Variants in NRF1 observed in about 807,000 individuals in gnomAD.
NRF1 encodes nuclear respiratory factor 1.
A neutral mutation model predicts 58.5 loss-of-function variants in NRF1; 5 were observed. The ratio of observed to expected loss-of-function variants is 0.09; its 90% confidence interval spans 0.04 to 0.18. NRF1 has a LOEUF of 0.18. Ranked by LOEUF, NRF1 falls within the 10% of genes least tolerant of loss-of-function variation. The pLI is 1.00. For synonymous variants in NRF1, 224 were observed against 246.7 expected (o/e 0.91, Z 0.86); for missense variants, 288 against 657.7 (o/e 0.44, Z 6.15).
chr7:129,696,772 A>G (rs1320225134), intron 5 of NRF1, among the ~76,000 whole-genome samples: 1 of 152,212 alleles, frequency 6.6e-6, no homozygotes, highest in Non-Finnish European at 1.5e-5. Context: ...ATCTAAAGAG[A>G]GTAAATTATA....
intron 4 of NRF1, among the ~76,000 whole-genome samples, chr7:129,682,630 T>TA (rs771494622): frequency 0.016 from 1,388 of 87,850 alleles, 12 homozygotes; most frequent in African/African-American, 0.024. Context: ...CAAAAAAATG[T>TA]AAAAAAAAAA....
intron 9 of NRF1, among the ~76,000 whole-genome samples, chr7:129,724,581 C>T (rs1314825291): frequency 1.3e-5 from 2 of 152,106 alleles, no homozygotes; most frequent in Non-Finnish European, 2.9e-5. Flanking sequence ...ATTTGTATGC[C>T]CATGTTCACA....
intron 1 of NRF1, among the ~76,000 whole-genome samples, chr7:129,617,976 A>T (rs939742336): frequency 1.3e-5 from 2 of 152,222 alleles, no homozygotes; most frequent in East Asian, 1.9e-4. Flanking sequence ...TTCCATGCTC[A>T]TGAGTGTGAA....
intron 7 of NRF1, 40 bp downstream of exon 7, chr7:129,710,611 A>T (rs1803050646): frequency 9.6e-7 from 1 of 1,044,740 alleles, no homozygotes; most frequent in Non-Finnish European, 1.5e-6. Context: ...GGCTTCTGAG[A>T]TGGATCAGTG....
chr7:129,669,038 C>G (rs1349192211), intron 2 of NRF1, among the ~76,000 whole-genome samples: 4 of 152,096 alleles, frequency 2.6e-5, no homozygotes, highest in Non-Finnish European at 4.4e-5. Flanking sequence ...ACCTCCACCT[C>G]CCAGATTCAA....
chr7:129,622,834 T>C (rs1377580125), intron 1 of NRF1, among the ~76,000 whole-genome samples: 1 of 152,162 alleles, frequency 6.6e-6, no homozygotes, highest in East Asian at 1.9e-4. Context: ...CCTCCCAAAG[T>C]GTTGGGATTA....
intron 9 of NRF1, among the ~76,000 whole-genome samples, chr7:129,722,489 G>C (rs569658370): frequency 1.3e-5 from 2 of 152,172 alleles, no homozygotes; most frequent in Admixed American, 1.3e-4. Flanking sequence ...TGATAGCCCT[G>C]CTTACCATAG....
intron 10 of NRF1, among the ~76,000 whole-genome samples, chr7:129,730,158 G>A (rs1423107908): frequency 6.6e-6 from 1 of 152,164 alleles, no homozygotes; most frequent in East Asian, 1.9e-4. Flanking sequence ...CAAGCTTATG[G>A]TATCTGCCAG....
intron 5 of NRF1, among the ~76,000 whole-genome samples, chr7:129,697,388 A>T (rs537311501): frequency 3.9e-4 from 56 of 144,210 alleles, no homozygotes; most frequent in African/African-American, 9.4e-4. Flanking sequence ...CTAAAAATTT[A>T]AAAAAAAAAA....
chr7:129,667,902 G>A (rs4348430), intron 2 of NRF1, among the ~76,000 whole-genome samples: 133,840 of 152,008 alleles, frequency 0.88, 59,006 homozygotes, highest in East Asian at 0.93. Flanking sequence ...CCAAGTAGCT[G>A]GGACCTCAGG....
intron 9 of NRF1, among the ~76,000 whole-genome samples, chr7:129,726,551 A>T (rs997082943): frequency 6.6e-6 from 1 of 152,204 alleles, no homozygotes; most frequent in East Asian, 1.9e-4. Flanking sequence ...TGTTGTAATT[A>T]TAGAGGCAAA....
intron 10 of NRF1, among the ~76,000 whole-genome samples, chr7:129,747,661 C>T (rs1804011475): frequency 6.6e-6 from 1 of 152,190 alleles, no homozygotes. Flanking sequence ...TATGAGGAAA[C>T]AGGCTCACAA....
At chr7:129,638,200 C>T (rs2151065873) in intron 1 of NRF1, among the ~76,000 whole-genome samples, 1 of 152,018 alleles carries the variant, frequency 6.6e-6, no homozygotes, top group East Asian at 1.9e-4. Context: ...AGATCAAGAC[C>T]TGTGTTATCC....
chr7:129,616,660 G>T lies in NRF1; in HGVS notation c.-7+4836G>T, dbSNP rs531149212. On this transcript the variant is annotated intron_variant, in intron 1 of 10. Coordinates refer to ENST00000393232, the MANE Select transcript of NRF1 (RefSeq NM_005011.5). ...ATTTGTAATCTCTTGAGGCAAATCT[G>T]TGTTGTTTCTCTAAGAGCAGTCACT... is the stretch of plus-strand genomic sequence containing the variant. Among the ~76,000 whole-genome samples, 6 of 152,306 alleles carry T rather than the reference G, an allele frequency of 3.9e-5. No individual in the cohort carries two copies. The South Asian group carries it at 1.2e-3, about 32-fold the overall frequency.
chr7:129,673,602 A>G (rs1802101760), intron 3 of NRF1, among the ~76,000 whole-genome samples: 2 of 150,844 alleles, frequency 1.3e-5, no homozygotes, highest in Admixed American at 1.3e-4. Flanking sequence ...CTGTAGTCCC[A>G]GCTACTCGGG....
At chr7:129,676,603 T>A (rs1048849032) in intron 3 of NRF1, among the ~76,000 whole-genome samples, 1 of 152,184 alleles carries the variant, frequency 6.6e-6, no homozygotes, top group African/African-American at 2.4e-5. Context: ...CCAAAACAAT[T>A]AAAATAGTAA....
At chr7:129,698,875 C>G (rs1175543604) in intron 5 of NRF1, among the ~76,000 whole-genome samples, 1 of 152,180 alleles carries the variant, frequency 6.6e-6, no homozygotes, top group African/African-American at 2.4e-5. Context: ...AAAATCAGTT[C>G]TGCTCTTTAC....
intron 10 of NRF1, among the ~76,000 whole-genome samples, chr7:129,742,989 G>A (rs1296095785): frequency 6.6e-6 from 1 of 152,154 alleles, no homozygotes; most frequent in Non-Finnish European, 1.5e-5. Flanking sequence ...CTCTTGAAAT[G>A]CCTCGGCTGC....
At chr7:129,640,359 A>AG (rs112201373) in intron 1 of NRF1, among the ~76,000 whole-genome samples, 29,009 of 151,742 alleles carry the variant, frequency 0.19, 3,022 homozygotes, top group East Asian at 0.47. Flanking sequence ...CTACAAAAAA[A>AG]TTTTTTTAAT....
Sources: gnomAD v4.1 joint callset for allele counts (sites outside exome capture counted in the v4.1 genomes callset) on GRCh38, gnomAD v4.1.1 for gene constraint, MANE v1.5 for transcripts, NCBI Gene and HGNC (gene_info 2026-07-23, HGNC 2026-07-21) for gene names.